The following VWA5B1 variants were observed in gnomAD, a reference collection of about 807,000 sequenced individuals.
VWA5B1 encodes von Willebrand factor A domain-containing protein 5B1.
A neutral mutation model predicts 118.2 loss-of-function variants in VWA5B1; 115 were observed. That is an observed-to-expected ratio of 0.97 (90% CI 0.84 to 1.14). The LOEUF (loss-of-function observed/expected upper bound fraction) is 1.14. Among genes scored for constraint, VWA5B1 ranks in the 50% most tolerant of loss-of-function variants. VWA5B1 has a pLI of 0.00. For missense variants in VWA5B1, 1,596 were observed against 1,603.8 expected (o/e 1.00, Z 0.08); for synonymous variants, 682 against 658.4 (o/e 1.04, Z -0.55).
chr1:20,301,400 C>T (rs1476459272), intron 1 of VWA5B1, among the ~76,000 whole-genome samples: 2 of 152,226 alleles, frequency 1.3e-5, no homozygotes, highest in African/African-American at 4.8e-5. Context: ...TACCCGCCCA[C>T]TATACAGAGG....
chr1:20,330,290 C>A lies in VWA5B1; in HGVS notation c.1365C>A (p.Gly455=). 6.4e-7 allele frequency: 1 copy of A among 1,551,778 alleles called. No individual in the cohort carries two copies. The highest frequency in any genetic ancestry group is 8.7e-7 in the Non-Finnish European group (1 of 1,147,040). ...KWVIRQPVHR[G]HPRLLFVITD... ...TCATCAGGCAGCCAGTGCACCGAGG[C>A]CACCCGCGGCTCCTCTTCGTGATCA... is the stretch of plus-strand genomic sequence containing the variant. The change falls in exon 10 of 22, where the codon GGC becomes GGA. Residue 455 remains glycine, a synonymous_variant. Transcript: ENST00000289815.
At chr1:20,351,239 C>A (rs996976515) in intron 20 of VWA5B1, among the ~76,000 whole-genome samples, 4 of 152,208 alleles carry the variant, frequency 2.6e-5, no homozygotes, top group African/African-American at 7.2e-5. Context: ...GGGTCACAAT[C>A]CAGGTATAGT....
chr1:20,320,310 A>C (rs12409476), intron 7 of VWA5B1, among the ~76,000 whole-genome samples: 28,477 of 152,210 alleles, frequency 0.19, 3,009 homozygotes, highest in East Asian at 0.39. Context: ...TCTGTGGGGC[A>C]GTTGAGCTGG....
At position 20,352,126 on chromosome 1, in the gene VWA5B1, C is replaced by T; in HGVS notation, c.3095C>T (p.Ala1032Val). ...TTCCTGAGCAAGCCACTGATCAAAG[C>T]TGTGGAGTCGACCTCCGGGAACCAG... is the stretch of plus-strand genomic sequence containing the variant. ...KGFLSKPLIK[A>V]VESTSGNQSF... The change falls in exon 21 of 22, where the codon GCT becomes GTT. Residue 1032 changes from alanine (A) to valine (V), a missense_variant. By Grantham distance (64) the Ala-to-Val change is moderately conservative. Coordinates refer to ENST00000289815, the MANE Select transcript of VWA5B1 (RefSeq NM_001039500.3). 3 of 1,551,478 alleles carry T rather than the reference C, an allele frequency of 1.9e-6. No individual in the cohort carries two copies. The highest frequency in any genetic ancestry group is 2.6e-6 in the Non-Finnish European group (3 of 1,146,946).
chr1:20,319,908 G>C (rs1035995776), intron 7 of VWA5B1, among the ~76,000 whole-genome samples: 8 of 152,202 alleles, frequency 5.3e-5, no homozygotes, highest in African/African-American at 1.9e-4. Context: ...CCTCCCTCTG[G>C]GGCCCTTGCT....
chr1:20,342,587 C>T lies in VWA5B1; in HGVS notation c.2289C>T (p.Asp763=). 1.3e-6 allele frequency: 2 copies of T among 1,500,386 alleles called. No individual in the cohort carries two copies. The highest frequency in any genetic ancestry group is 1.3e-5 in the South Asian group (1 of 75,502). 92.9% of individuals were successfully genotyped at this position (1,500,386 alleles called of 1,614,324 possible). Residue 763 remains aspartate, a synonymous_variant, in exon 15 of 22, where the codon GAC becomes GAT. Coordinates refer to ENST00000289815, the MANE Select transcript of VWA5B1 (RefSeq NM_001039500.3). ...AWSPVRERTS[D]SRSPGDLEPS... ...GCCCTGTGAGAGAGCGGACTTCTGA[C>T]AGCCGAAGCCCTGGAGATCTGGGTA...
chr1:20,339,278 A>G (rs1273962825), intron 14 of VWA5B1: 1 of 152,188 alleles, frequency 6.6e-6, no homozygotes, highest in Non-Finnish European at 1.5e-5. Flanking sequence ...ATGGTGGCTC[A>G]TGCCTGTAAT....
intron 12 of VWA5B1, 79 bp from the exon 13 acceptor site, chr1:20,336,222 GCT>G (rs1334874358): frequency 1.6e-6 from 2 of 1,229,946 alleles, no homozygotes; most frequent in African/African-American, 1.6e-5. Flanking sequence ...CACCACCTCT[GCT>G]CACACCCCTT....
chr1:20,328,855 A>C (rs558526479), intron 9 of VWA5B1, among the ~76,000 whole-genome samples: 1 of 152,356 alleles, frequency 6.6e-6, no homozygotes, highest in East Asian at 1.9e-4. Flanking sequence ...TATGTCAGTC[A>C]GGATAAAAGG....
Position 20,343,278 on chromosome 1 carries a change from G to A in VWA5B1, c.2511G>A (p.Glu837=). 1 of 1,548,060 alleles carries A rather than the reference G, an allele frequency of 6.5e-7. No individual in the cohort carries two copies. Among genetic ancestry groups the A allele is most frequent in the South Asian group, 1.2e-5 (1 of 84,056 alleles). The part of the protein sequence containing the change: ...VSFELGTPGP[E]RGGAQDADLW... ...TCGAGCTGGGGACCCCTGGACCGGA[G>A]CGGGGCGGCGCGCAGGATGCCGACC... Residue 837 remains glutamate, a synonymous_variant, in exon 16 of 22, where the codon GAG becomes GAA. Transcript: ENST00000289815.
intron 21 of VWA5B1, 24 bp from the exon 22 acceptor site, chr1:20,353,733 C>T: frequency 6.9e-7 from 1 of 1,449,302 alleles, no homozygotes; most frequent in African/African-American, 1.4e-5. Context: ...TTGAGGCCCA[C>T]TGAAGGGCTT....
chr1:20,313,622 A>G (rs1400432326), intron 3 of VWA5B1, among the ~76,000 whole-genome samples: 1 of 152,274 alleles, frequency 6.6e-6, no homozygotes, highest in Non-Finnish European at 1.5e-5. Context: ...CAGGGCTAGA[A>G]TGTAGACCAG....
chr1:20,332,928 T>C lies in VWA5B1; in HGVS notation c.1735T>C (p.Leu579=). 2 of 1,551,946 alleles carry C rather than the reference T, an allele frequency of 1.3e-6. No individual in the cohort carries two copies. Among genetic ancestry groups the C allele is most frequent in the Non-Finnish European group, 1.7e-6 (2 of 1,147,048 alleles). ...VGYGIVCDAS[L]HISNPRSDKR... is the part of the protein sequence containing the mutation. ...GTATGGCATTGTATGTGATGCTTCT[T>C]TGCACATCTCCAATCCCAGATCTGT... The change falls in exon 12 of 22, where the codon TTG becomes CTG. Residue 579 remains leucine (L), a synonymous_variant. Coordinates refer to ENST00000289815, the MANE Select transcript of VWA5B1 (RefSeq NM_001039500.3).
chr1:20,314,492 C>A lies in VWA5B1; in HGVS notation c.463C>A (p.Pro155Thr). Residue 155 changes from proline (P) to threonine (T), a missense_variant, in exon 4 of 22, where the codon CCC becomes ACC. Coordinates refer to ENST00000289815, the MANE Select transcript of VWA5B1 (RefSeq NM_001039500.3). ...CACCTCCTCGGAGCTCCCAACGCTG[C>A]CCAGCGGGGCTGTGAGGGTCCTTCT... ...ISTSSELPTLPSGAVRVLLPA... is the reference protein window; with the variant it reads ...ISTSSELPTLTSGAVRVLLPA... 1 of 1,551,774 alleles carries A rather than the reference C, an allele frequency of 6.4e-7. No homozygotes were observed. Among genetic ancestry groups the A allele is most frequent in the South Asian group, 1.2e-5 (1 of 84,062 alleles).
intron 12 of VWA5B1, among the ~76,000 whole-genome samples, chr1:20,335,695 A>G (rs1374526377): frequency 6.6e-6 from 1 of 152,254 alleles, no homozygotes; most frequent in Non-Finnish European, 1.5e-5. Flanking sequence ...TTTTGAGAAA[A>G]TCATAAAGAA....
chr1:20,353,757 G>A lies in VWA5B1; in HGVS notation c.3142G>A (p.Val1048Met). Residue 1048 changes from valine to methionine, a missense_variant and splice_region_variant, in exon 22 of 22, where the codon GTG becomes ATG. Val to Met is a conservative substitution (Grantham distance 21, BLOSUM62 1). Transcript: ENST00000289815. ...GNQSFDYIPLVSLQLASGAFL... is the reference protein window; with the variant it reads ...GNQSFDYIPLMSLQLASGAFL... Reference sequence around the variant, plus strand: ...ACTGAAGGGCTTCCCCCACACACAGGTGTCTCTGCAGCTGGCCTCCGGAGC... The same window carrying A: ...ACTGAAGGGCTTCCCCCACACACAGATGTCTCTGCAGCTGGCCTCCGGAGC... 6.9e-7 allele frequency: 1 copy of A among 1,455,658 alleles called. No homozygotes were observed. Among genetic ancestry groups the A allele is most frequent in the Non-Finnish European group, 9.1e-7 (1 of 1,101,362 alleles). 90.2% of individuals were successfully genotyped at this position (1,455,658 alleles called of 1,614,324 possible).
At position 20,318,692 on chromosome 1, in the gene VWA5B1, G is replaced by A. The variant is rs538106090; in HGVS notation, c.812G>A (p.Arg271Gln). Residue 271 changes from arginine (R) to glutamine (Q), a missense_variant, in exon 6 of 22, where the codon CGG (arginine) becomes CAG (glutamine). By Grantham distance (43) the Arg-to-Gln change is conservative (BLOSUM62 1). Transcript: ENST00000289815. Reference sequence around the variant, plus strand: ...TTGGCCAACAAGCACACCTTTGACCGGCCTGTGGAGATCCTCATCCACCCC... The same window carrying A: ...TTGGCCAACAAGCACACCTTTGACCAGCCTGTGGAGATCCTCATCCACCCC... ...ITLANKHTFD[R>Q]PVEILIHPSE... 256 of 1,526,058 alleles carry A rather than the reference G, an allele frequency of 1.7e-4. 3 individuals carry two copies. In the Admixed American group the frequency reaches 3.7e-3, roughly 22 times the overall value. The allele number at this position is 1,526,058 out of a possible 1,614,324, so 94.5% of individuals were successfully genotyped here. A position where few individuals can be genotyped will look rare whatever the true frequency, so the allele number is the denominator to read the frequency against.
intron 18 of VWA5B1, chr1:20,349,028 A>G: frequency 3.7e-6 from 1 of 273,910 alleles, no homozygotes; most frequent in African/African-American, 2.2e-5. Context: ...GCTGTGCAGG[A>G]GGAAGACATC....
chr1:20,338,756 C>G (rs1394261811), intron 14 of VWA5B1: 1 of 152,444 alleles, frequency 6.6e-6, no homozygotes, highest in Non-Finnish European at 1.5e-5. Context: ...TCTCGAACTC[C>G]TGGCCTCAGG....
Sources: allele counts gnomAD v4.1 joint callset (sites outside exome capture counted in the v4.1 genomes callset), GRCh38; gene constraint gnomAD v4.1.1; transcripts MANE v1.5; gene names NCBI Gene and HGNC (gene_info 2026-07-23, HGNC 2026-07-21).